Variants in CTNND1 observed in about 807,000 individuals in gnomAD.
The protein encoded by CTNND1 is catenin delta-1.
In CTNND1, 16 loss-of-function variants were observed where a neutral mutation model predicts 112.1. The ratio of observed to expected loss-of-function variants is 0.14; its 90% CI spans 0.10 to 0.22. CTNND1 has a LOEUF of 0.22. Ranked by LOEUF, CTNND1 falls within the 10% of genes least tolerant of loss-of-function variation. The probability of loss-of-function intolerance (pLI) is 1.00; values close to 1 mark genes in which losing one functional copy is unlikely to be tolerated. For synonymous variants in CTNND1, 420 were observed against 446.5 expected (o/e 0.94, Z 0.75); for missense variants, 1,008 against 1,257.0 (o/e 0.80, Z 3.00).
chr11:57,791,628 T>C lies in CTNND1; in HGVS notation c.150T>C (p.Asp50=). The C allele has an allele frequency of 6.2e-7, 1 of 1,600,446 alleles. No homozygotes were observed. Among genetic ancestry groups the C allele is most frequent in the African/African-American group, 1.3e-5 (1 of 74,490 alleles). ...QLERVRVSPQ[D]ANPLMANGTL... Reference sequence around the variant, plus strand: ...AACGCGTCCGGGTCTCACCACAAGATGCCAACCCACTCATGGCCAACGGCA... The same window carrying C: ...AACGCGTCCGGGTCTCACCACAAGACGCCAACCCACTCATGGCCAACGGCA... The change falls in exon 3 of 21, where the codon GAT becomes GAC. Residue 50 remains aspartate (D), a synonymous_variant. Transcript: ENST00000399050.
chr11:57,783,774 TGCCAGTTAAG>T (rs748033019), intron 1 of CTNND1, among the ~76,000 whole-genome samples: 4 of 152,212 alleles, frequency 2.6e-5, no homozygotes, highest in African/African-American at 4.8e-5. Context: ...TGGGGTCAGG[TGCCAGTTAAG>T]GCAAATAAAT....
intron 1 of CTNND1, among the ~76,000 whole-genome samples, chr11:57,777,665 A>G (rs1158518399): frequency 6.6e-6 from 1 of 152,198 alleles, no homozygotes; most frequent in Non-Finnish European, 1.5e-5. Context: ...CTTCTAGCAG[A>G]TCTAAGAAGA....
rs1316575552 is a variant in CTNND1 at position 57,790,647 on chromosome 11, T to G, written c.-94-738T>G. Reference sequence around the variant, plus strand: ...ATCTTGGCTCACTGTAAGCTCCACCTCCGGCGTTCACGCCATTCTCCTGTC... The same window carrying G: ...ATCTTGGCTCACTGTAAGCTCCACCGCCGGCGTTCACGCCATTCTCCTGTC... On this transcript the variant is annotated intron_variant, in intron 2 of 20. Coordinates refer to ENST00000399050, the MANE Select transcript of CTNND1 (RefSeq NM_001085458.2). Among the ~76,000 whole-genome samples the G allele has an allele frequency of 5.1e-5, 7 of 136,632 alleles. No homozygotes were observed. The Admixed American group carries it at 5.7e-4, about 11-fold the overall frequency. 89.6% of individuals were successfully genotyped at this position (136,632 alleles called of 152,430 possible).
At chr11:57,774,051 G>A (rs1300401190) in intron 1 of CTNND1, among the ~76,000 whole-genome samples, 1 of 152,144 alleles carries the variant, frequency 6.6e-6, no homozygotes, top group South Asian at 2.1e-4. Flanking sequence ...TGAGTCTTCG[G>A]TGACACATGT....
rs1306753221 is a variant in CTNND1, at chr11:57,818,983, T to G, written c.*2675T>G. The G allele has an allele frequency of 1.3e-5, 2 of 152,242 alleles. No homozygotes were observed. The highest frequency in any genetic ancestry group is 4.8e-5 in the African/African-American group (2 of 41,466). The allele number at this position is 152,242 out of a possible 1,614,324, so 9.4% of individuals were successfully genotyped here. ...GTCAGAAGTCAATAGGCCTATTTATTAATATTTTACAGACCATATTACCTG... is the reference window on the plus strand; with the variant it reads ...GTCAGAAGTCAATAGGCCTATTTATGAATATTTTACAGACCATATTACCTG... On this transcript the variant is annotated 3_prime_UTR_variant, in exon 21 of 21. Coordinates refer to ENST00000399050, the MANE Select transcript of CTNND1 (RefSeq NM_001085458.2).
chr11:57,802,760 G>A (rs1370992869), intron 7 of CTNND1, among the ~76,000 whole-genome samples: 1 of 152,184 alleles, frequency 6.6e-6, no homozygotes. Flanking sequence ...TGATCCGTTA[G>A]TGAATAAAAC....
intron 6 of CTNND1, among the ~76,000 whole-genome samples, 190 bp downstream of exon 6, chr11:57,797,182 A>G (rs1246842979): frequency 2.0e-5 from 3 of 148,228 alleles, no homozygotes; most frequent in African/African-American, 7.4e-5. Flanking sequence ...CTTGCTATAT[A>G]TATATAATAT....
chr11:57,780,076 CA>C (rs2059417431), intron 1 of CTNND1, among the ~76,000 whole-genome samples: 1 of 20,226 alleles, frequency 4.9e-5, no homozygotes, highest in African/African-American at 1.0e-4. Context: ...TTTTTTGAGA[CA>C]GGGTCTTACT....
intron 1 of CTNND1, among the ~76,000 whole-genome samples, chr11:57,773,931 C>T (rs773502645): frequency 9.9e-5 from 15 of 151,982 alleles, no homozygotes; most frequent in Admixed American, 3.3e-4. Flanking sequence ...AGTGAGACTC[C>T]GTCTCAAAAA....
At chr11:57,813,377 A>T (rs1009157086) in intron 17 of CTNND1, among the ~76,000 whole-genome samples, 1 of 152,220 alleles carries the variant, frequency 6.6e-6, no homozygotes, top group Non-Finnish European at 1.5e-5. Context: ...ATAAACAGTG[A>T]TGTTAACGAA....
intron 1 of CTNND1, among the ~76,000 whole-genome samples, chr11:57,783,455 C>G (rs1050850395): frequency 6.6e-6 from 1 of 152,018 alleles, no homozygotes; most frequent in African/African-American, 2.4e-5. Flanking sequence ...GTCAGGAGAT[C>G]GAGACCATCC....
At chr11:57,809,507 T>G in intron 15 of CTNND1, 41 bp downstream of exon 15, 1 of 1,544,012 alleles carries the variant, frequency 6.5e-7, no homozygotes, top group African/African-American at 1.4e-5. Flanking sequence ...AGAATTTGAG[T>G]GAGTGGAGAG....
Position 57,791,810 on chromosome 11 carries a change from G to A in CTNND1, c.195+137G>A, listed in dbSNP as rs1002870690. 5.4e-5 allele frequency: 50 copies of A among 924,394 alleles called. No homozygotes were observed. The Middle Eastern group carries it at 1.4e-3, about 26-fold the overall frequency. 57.3% of individuals were successfully genotyped at this position (924,394 alleles called of 1,614,324 possible). ...GTTCTTCCAGGGATTTTTTTCCAGG[G>A]GTGTTAAATGCTGATAAGAGACAAG... On this transcript the variant is annotated intron_variant, in intron 3 of 20. Transcript: ENST00000399050.
At chr11:57,765,210 CTA>C (rs1950758066) in intron 1 of CTNND1, among the ~76,000 whole-genome samples, 2 of 152,236 alleles carry the variant, frequency 1.3e-5, no homozygotes, top group South Asian at 4.1e-4. Flanking sequence ...TCCCTCTAGA[CTA>C]TGAGCAGCTT....
chr11:57,790,242 G>A (rs1021532947), intron 2 of CTNND1, among the ~76,000 whole-genome samples: 1 of 151,958 alleles, frequency 6.6e-6, no homozygotes, highest in African/African-American at 2.4e-5. Context: ...GCTAATTTTT[G>A]TATTTTTAGT....
At position 57,810,035 on chromosome 11, in the gene CTNND1, T is replaced by C. The variant is rs532309842; in HGVS notation, c.2436-74T>C. On this transcript the variant is annotated intron_variant, in intron 15 of 20. Transcript: ENST00000399050. ...CCCTGGCATTTATATTCTTATGTTA[T>C]TAGAGGATATAGGGTCTAAGCTTTT... 14 of 1,092,520 alleles carry C rather than the reference T, an allele frequency of 1.3e-5. No individual in the cohort carries two copies. In the African/African-American group the frequency reaches 2.3e-4, roughly 18 times the overall value. 67.7% of individuals were successfully genotyped at this position (1,092,520 alleles called of 1,614,324 possible).
rs753485645 is a variant in CTNND1 at position 57,788,507 on chromosome 11, G to A, written c.-213-530G>A. 5.9e-5 allele frequency among the ~76,000 whole-genome samples: 9 copies of A among 152,172 alleles called. No individual in the cohort carries two copies. The highest frequency in any genetic ancestry group is 2.1e-4 in the South Asian group (1 of 4,830). ...CATACACTCTAAGCCAAACAGGCCC[G>A]GGCATTTGTGCTTGGTGGGGCTCTG... On this transcript the variant is annotated intron_variant, in intron 1 of 20. Transcript: ENST00000399050. This position sits in a 1 kb window ranked among gnomAD's most constrained non-coding sequence, Gnocchi z 4.1.
chr11:57,811,337 A>G, intron 16 of CTNND1, 62 bp from the exon 17 acceptor site: 1 of 1,336,066 alleles, frequency 7.5e-7, no homozygotes, highest in South Asian at 1.3e-5. Flanking sequence ...TATGCCCATT[A>G]GAGCATAAGA....
chr11:57,795,596 A>G lies in CTNND1; in HGVS notation c.287A>G (p.Tyr96Cys), dbSNP rs2061280127. The change falls in exon 5 of 21, where the codon TAT becomes TGT. Residue 96 changes from tyrosine (Y) to cysteine (C), a missense_variant. Physicochemically the swap from Tyr to Cys is radical, Grantham distance 194. This residue lies in a region of CTNND1 where 404 missense variants were observed against 457.9 expected (regional missense o/e 0.88). Coordinates refer to ENST00000399050, the MANE Select transcript of CTNND1 (RefSeq NM_001085458.2). The part of the protein sequence containing the change: ...NGPQDHSHLL[Y>C]STIPRMQEPG... ...ATATAGGATCACAGTCACCTTCTAT[A>G]TAGCACCATCCCCAGGATGCAGGAG... is the stretch of plus-strand genomic sequence containing the variant. The G allele has an allele frequency of 3.7e-6, 6 of 1,611,674 alleles. No homozygotes were observed. The highest frequency in any genetic ancestry group is 1.1e-5 in the South Asian group (1 of 90,670).
Sources: allele counts gnomAD v4.1 joint callset (sites outside exome capture counted in the v4.1 genomes callset), GRCh38; gene constraint gnomAD v4.1.1; regional missense constraint gnomAD v4.1.1; non-coding constraint Gnocchi (gnomAD v3.1); transcripts MANE v1.5; gene names NCBI Gene and HGNC (gene_info 2026-07-23, HGNC 2026-07-21).